SIN3A: variants seen among roughly 807,000 people sequenced by gnomAD.
SIN3A encodes the protein paired amphipathic helix protein Sin3a.
SIN3A carries 14 observed loss-of-function variants against 146.1 expected under a neutral mutation model. That is an observed-to-expected ratio of 0.10 (90% confidence interval 0.06 to 0.15). The LOEUF (loss-of-function observed/expected upper bound fraction) is 0.15. SIN3A is among the 10% of genes least tolerant of loss of function. The pLI, the probability that SIN3A is intolerant of heterozygous loss-of-function variation, is 1.00. For synonymous variants in SIN3A, 572 were observed against 572.0 expected, an observed-to-expected ratio of 1.00 and a Z score of 0.00; for missense variants, 1,028 against 1,576.0, an observed-to-expected ratio of 0.65 and a Z score of 5.89.
chr15:75,438,307 G>A (rs1567416298), intron 1 of SIN3A, among the ~76,000 whole-genome samples: 1 of 152,068 alleles, frequency 6.6e-6, no homozygotes, highest in Non-Finnish European at 1.5e-5. Context: ...GGAGGGTGCA[G>A]TGAGCTGAGA....
intron 3 of SIN3A, among the ~76,000 whole-genome samples, chr15:75,419,053 G>A (rs1039917547): frequency 4.6e-5 from 7 of 152,032 alleles, no homozygotes; most frequent in African/African-American, 1.4e-4. Context: ...CACCGCACCC[G>A]GCCCCGAGAC....
intron 1 of SIN3A, among the ~76,000 whole-genome samples, chr15:75,449,316 G>A (rs1263748533): frequency 1.3e-5 from 2 of 152,134 alleles, no homozygotes; most frequent in Non-Finnish European, 2.9e-5. Flanking sequence ...ATATAGCACA[G>A]GGTACCACTC....
intron 8 of SIN3A, 105 bp downstream of exon 8, chr15:75,409,731 A>T: frequency 7.4e-7 from 1 of 1,353,700 alleles, no homozygotes; most frequent in Non-Finnish European, 1.0e-6. Flanking sequence ...GGTCTCAAAA[A>T]AACAAAAAAA....
Position 75,411,636 on chromosome 15 carries a change from G to T in SIN3A, c.864C>A (p.Ile288=). 1 of 1,614,216 alleles carries T rather than the reference G, an allele frequency of 6.2e-7. No individual in the cohort carries two copies. Among genetic ancestry groups the T allele is most frequent in the Non-Finnish European group, 8.5e-7 (1 of 1,180,040 alleles). The change falls in exon 6 of 21, where the codon ATC becomes ATA. Residue 288 remains isoleucine, a synonymous_variant. Transcript: ENST00000394947. Reference sequence around the variant, plus strand: ...GCAAGGATGGGGCCGTTCCCAACGAGATTGTCACTGGTGTGTGAGGCTGGA... The same window carrying T: ...GCAAGGATGGGGCCGTTCCCAACGATATTGTCACTGGTGTGTGAGGCTGGA... ...PPVQPHTPVT[I]SLGTAPSLQN...
At chr15:75,435,426 A>G (rs1345313350) in intron 1 of SIN3A, among the ~76,000 whole-genome samples, 1 of 152,216 alleles carries the variant, frequency 6.6e-6, no homozygotes, top group African/African-American at 2.4e-5. Context: ...GGCCGGATGC[A>G]GTGGCTTACG....
At chr15:75,396,939 C>T (rs2073316115) in intron 12 of SIN3A, among the ~76,000 whole-genome samples, 1 of 152,178 alleles carries the variant, frequency 6.6e-6, no homozygotes, top group African/African-American at 2.4e-5. Flanking sequence ...ACAATCAAAA[C>T]AATCCCAAAA....
intron 3 of SIN3A, chr15:75,415,917 A>G: frequency 3.3e-6 from 1 of 307,280 alleles, no homozygotes; most frequent in Non-Finnish European, 6.3e-6. Flanking sequence ...AAAGGGAAAA[A>G]GGAAAATGCT....
upstream of SIN3A, chr15:75,453,434 A>G (rs1212195466): frequency 6.6e-6 from 1 of 152,406 alleles, no homozygotes; most frequent in Admixed American, 6.5e-5. Flanking sequence ...ACCCACGGCT[A>G]CTTTTAACTT....
intron 3 of SIN3A, among the ~76,000 whole-genome samples, chr15:75,416,759 G>A (rs1595911028): frequency 1.3e-5 from 2 of 152,194 alleles, no homozygotes; most frequent in African/African-American, 2.4e-5. Flanking sequence ...CCAGACACCT[G>A]TTGGGACCTA....
chr15:75,430,969 G>A (rs371803608), intron 1 of SIN3A, among the ~76,000 whole-genome samples: 19 of 152,098 alleles, frequency 1.2e-4, no homozygotes, highest in African/African-American at 4.6e-4. Context: ...GTAGAGACGG[G>A]GTTTCACCGA....
At chr15:75,411,798 G>C in intron 5 of SIN3A, 55 bp from the exon 6 acceptor site, 1 of 1,508,582 alleles carries the variant, frequency 6.6e-7, no homozygotes, top group Non-Finnish European at 8.9e-7. Flanking sequence ...GTTGATACAA[G>C]GAAAGTTCAA....
chr15:75,407,655 G>C (rs550057864), intron 8 of SIN3A, among the ~76,000 whole-genome samples: 16 of 152,068 alleles, frequency 1.1e-4, no homozygotes, highest in African/African-American at 3.9e-4. Flanking sequence ...CACTTTGGGA[G>C]GCCAAGGTGG....
At position 75,375,587 on chromosome 15, in the gene SIN3A, A is replaced by G. The variant is rs1018920868; in HGVS notation, c.3591+78T>C. 4 of 1,141,728 alleles carry G rather than the reference A, an allele frequency of 3.5e-6. No homozygotes were observed. The African/African-American group carries it at 4.6e-5, about 13-fold the overall frequency. 70.7% of individuals were successfully genotyped at this position (1,141,728 alleles called of 1,614,324 possible). On this transcript the variant is annotated intron_variant, in intron 20 of 20. Transcript: ENST00000394947. Reference sequence around the variant, plus strand: ...CAGGTTTGCATAAACAAAGAAAAACAATCAGAAGACTCTGGGCCTCCCCTG... The same window carrying G: ...CAGGTTTGCATAAACAAAGAAAAACGATCAGAAGACTCTGGGCCTCCCCTG...
intron 9 of SIN3A, among the ~76,000 whole-genome samples, chr15:75,402,323 C>A (rs936680567): frequency 6.6e-6 from 1 of 152,062 alleles, no homozygotes; most frequent in Non-Finnish European, 1.5e-5. Flanking sequence ...CCCAGACTGG[C>A]CAACATGCTG....
intron 1 of SIN3A, among the ~76,000 whole-genome samples, chr15:75,441,348 A>G (rs990434784): frequency 6.6e-6 from 1 of 152,132 alleles, no homozygotes; most frequent in African/African-American, 2.4e-5. Context: ...GTCTTGCTCT[A>G]TTGCCCAGGC....
intron 19 of SIN3A, 147 bp from the exon 20 acceptor site, chr15:75,376,019 C>CA (rs1375059742): frequency 4.2e-5 from 33 of 777,100 alleles, no homozygotes; most frequent in East Asian, 7.8e-5. Flanking sequence ...TGTTTCACTG[C>CA]AAAAAAAATT....
chr15:75,414,966 G>C (rs559770547), intron 3 of SIN3A, among the ~76,000 whole-genome samples: 2 of 152,262 alleles, frequency 1.3e-5, no homozygotes, highest in African/African-American at 4.8e-5. Context: ...TAGTGAAGAG[G>C]AAGGAAAAGT....
At chr15:75,410,797 C>T (rs1158908691) in intron 6 of SIN3A, among the ~76,000 whole-genome samples, 24 of 151,986 alleles carry the variant, frequency 1.6e-4, no homozygotes. Context: ...TGCCTGCAAT[C>T]CCAGCACTTT....
chr15:75,376,314 C>A, intron 19 of SIN3A: 1 of 175,542 alleles, frequency 5.7e-6, no homozygotes, highest in Non-Finnish European at 1.2e-5. Context: ...AAAAATGTAC[C>A]CCAATTTACC....
Sources: allele counts gnomAD v4.1 joint callset (sites outside exome capture counted in the v4.1 genomes callset), GRCh38; gene constraint gnomAD v4.1.1; transcripts MANE v1.5; gene names NCBI Gene and HGNC (gene_info 2026-07-23, HGNC 2026-07-21).